Variants in NRG1 observed in about 807,000 individuals in gnomAD.
NRG1 encodes pro-neuregulin-1, membrane-bound isoform.
A neutral mutation model predicts 63.8 loss-of-function variants in NRG1; 18 were observed. The ratio of observed to expected loss-of-function variants is 0.28; its 90% confidence interval spans 0.19 to 0.42. The LOEUF (loss-of-function observed/expected upper bound fraction) is 0.42. NRG1 is among the 10% of genes least tolerant of loss of function. NRG1 has a pLI of 1.00. For synonymous variants in NRG1, 302 were observed against 301.3 expected (o/e 1.00, Z -0.02); for missense variants, 762 against 814.7 (o/e 0.94, Z 0.79).
At chr8:32,229,801 G>A (rs910032340) in intron 1 of NRG1, among the ~76,000 whole-genome samples, 2 of 152,034 alleles carry the variant, frequency 1.3e-5, no homozygotes, top group African/African-American at 2.4e-5. Context: ...TACTCCAGTC[G>A]GTTTTGGGTT....
chr8:32,458,628 C>A (rs1228024448), intron 1 of NRG1, among the ~76,000 whole-genome samples: 2 of 149,336 alleles, frequency 1.3e-5, no homozygotes, highest in African/African-American at 2.5e-5. Flanking sequence ...AGATATCATA[C>A]CTCTTTATGC....
At chr8:32,309,627 T>TA (rs1191577887) in intron 1 of NRG1, among the ~76,000 whole-genome samples, 1 of 152,204 alleles carries the variant, frequency 6.6e-6, no homozygotes, top group African/African-American at 2.4e-5. Context: ...CCTATTGTTT[T>TA]TTTTCTTTAA....
At chr8:32,565,915 G>A (rs977946541) in intron 1 of NRG1, among the ~76,000 whole-genome samples, 2 of 152,096 alleles carry the variant, frequency 1.3e-5, no homozygotes, top group African/African-American at 2.4e-5. Flanking sequence ...CATTCCTGCC[G>A]AGAAGGTAAG....
chr8:31,712,982 C>T (rs1811943505), intron 1 of NRG1, among the ~76,000 whole-genome samples: 1 of 64,428 alleles, frequency 1.6e-5, no homozygotes, highest in South Asian at 3.7e-4. Flanking sequence ...TCCATCCATC[C>T]ACCCATCCAT....
chr8:32,730,223 G>A (rs1035804934), intron 6 of NRG1, among the ~76,000 whole-genome samples: 3 of 152,130 alleles, frequency 2.0e-5, no homozygotes, highest in Admixed American at 6.5e-5. Flanking sequence ...CGAGGCAGAC[G>A]GATCTCTTGA....
chr8:32,412,780 AAC>A (rs1472298816), intron 1 of NRG1, among the ~76,000 whole-genome samples: 1 of 152,010 alleles, frequency 6.6e-6, no homozygotes, highest in Non-Finnish European at 1.5e-5. Flanking sequence ...AACATAGAAA[AAC>A]ACAGTAAAAA....
chr8:32,179,750 C>T lies in NRG1; in HGVS notation c.38-416078C>T, dbSNP rs185683406. Among the ~76,000 whole-genome samples the T allele has an allele frequency of 2.4e-3, 365 of 152,272 alleles. 5 individuals carry two copies. Among genetic ancestry groups the T allele is most frequent in the African/African-American group, 8.4e-3 (351 of 41,556 alleles). ...TCTGAGCAATGACATTGACAGTGGA[C>T]CTTGATCTTCCTTCCTTTGAAGCAT... On this transcript the variant is annotated intron_variant, in intron 1 of 10. Coordinates refer to the NRG1 transcript ENST00000519301.
At chr8:32,458,658 A>G (rs1821920128) in intron 1 of NRG1, among the ~76,000 whole-genome samples, 1 of 152,174 alleles carries the variant, frequency 6.6e-6, no homozygotes, top group African/African-American at 2.4e-5. Flanking sequence ...AGGTGAAGTC[A>G]TTTCCTAACA....
At chr8:32,350,987 T>G (rs190890446) in intron 1 of NRG1, among the ~76,000 whole-genome samples, 1 of 152,314 alleles carries the variant, frequency 6.6e-6, no homozygotes, top group Admixed American at 6.5e-5. Context: ...GTTTAACTTC[T>G]TACTCTTTCC....
intron 7 of NRG1, among the ~76,000 whole-genome samples, chr8:32,752,843 A>G (rs1305626362): frequency 2.6e-5 from 4 of 152,022 alleles, no homozygotes; most frequent in Non-Finnish European, 4.4e-5. Context: ...CCTCCTGTTA[A>G]TAATCAGTGC....
chr8:31,913,443 A>T (rs1376679783), intron 1 of NRG1, among the ~76,000 whole-genome samples: 1 of 152,186 alleles, frequency 6.6e-6, no homozygotes. Context: ...CTTTCAAATG[A>T]GGAGATTGCT....
At chr8:31,912,984 T>C (rs1005458833) in intron 1 of NRG1, among the ~76,000 whole-genome samples, 2 of 152,348 alleles carry the variant, frequency 1.3e-5, no homozygotes, top group East Asian at 1.9e-4. Context: ...CTACCATCTA[T>C]TGAGCACTTA....
At chr8:31,922,079 T>G (rs1263250789) in intron 1 of NRG1, among the ~76,000 whole-genome samples, 3 of 152,220 alleles carry the variant, frequency 2.0e-5, no homozygotes, top group African/African-American at 7.2e-5. Flanking sequence ...ATTTCAGTGC[T>G]GATTTTAGGA....
chr8:32,344,418 C>CGT (rs1804566322), intron 1 of NRG1, among the ~76,000 whole-genome samples: 2 of 92,460 alleles, frequency 2.2e-5, no homozygotes, highest in Non-Finnish European at 4.1e-5. Context: ...TGCGTGCATG[C>CGT]ATGTGTGTGT....
At chr8:32,182,283 G>A (rs1422400382) in intron 1 of NRG1, among the ~76,000 whole-genome samples, 1 of 152,012 alleles carries the variant, frequency 6.6e-6, no homozygotes, top group Non-Finnish European at 1.5e-5. Flanking sequence ...GTCTCGCTCT[G>A]TCACCCAGGT....
At chr8:31,679,283 G>A (rs970228298) in intron 1 of NRG1, among the ~76,000 whole-genome samples, 1 of 151,820 alleles carries the variant, frequency 6.6e-6, no homozygotes, top group Non-Finnish European at 1.5e-5. Context: ...TCCCCTTCTT[G>A]ACTTCATTTT....
chr8:32,032,630 T>C (rs1011882710), intron 1 of NRG1, among the ~76,000 whole-genome samples: 30 of 152,210 alleles, frequency 2.0e-4, no homozygotes, highest in African/African-American at 7.0e-4. Flanking sequence ...TGTTAGTTTT[T>C]TTCTTGTGAA....
In NRG1 at chr8:32,136,951, G is replaced by A. The variant is rs370124344; in HGVS notation, c.38-458877G>A. On this transcript the variant is annotated intron_variant, in intron 1 of 10. Coordinates refer to the NRG1 transcript ENST00000519301. ...CAACAACACTTAATTAATGAAACTA[G>A]TTCTGAATACATTATATACTTTCAG... Among the ~76,000 whole-genome samples the A allele has an allele frequency of 2.4e-4, 37 of 151,994 alleles. 2 individuals carry two copies. Among genetic ancestry groups the A allele is most frequent in the Admixed American group, 1.1e-3 (17 of 15,258 alleles).
At chr8:31,733,484 G>A (rs1814328025) in intron 1 of NRG1, among the ~76,000 whole-genome samples, 1 of 152,160 alleles carries the variant, frequency 6.6e-6, no homozygotes, top group East Asian at 1.9e-4. Flanking sequence ...TCCTGGCCAT[G>A]TTCTTTCCCA....
Sources: gnomAD v4.1 joint callset for allele counts (sites outside exome capture counted in the v4.1 genomes callset) on GRCh38, gnomAD v4.1.1 for gene constraint, MANE v1.5 for transcripts, NCBI Gene and HGNC (gene_info 2026-07-23, HGNC 2026-07-21) for gene names.